RAB38: variants seen among roughly 807,000 people sequenced by gnomAD.
The protein encoded by RAB38 is ras-related protein Rab-38.
In RAB38, 15 loss-of-function variants were observed where a neutral mutation model predicts 18.4. The ratio of observed to expected loss-of-function variants is 0.82; its 90% CI spans 0.55 to 1.26. The LOEUF is 1.26. RAB38 is among the 50% of genes most tolerant of loss of function. RAB38 has a pLI of 0.00. For missense variants in RAB38, 294 were observed against 267.4 expected (o/e 1.10, Z -0.69); for synonymous variants, 101 against 104.4 (o/e 0.97, Z 0.20).
chr11:88,043,885 T>G, the RAB38 span, among the ~76,000 whole-genome samples: 1 of 152,148 alleles, frequency 6.6e-6, no homozygotes, highest in African/African-American at 2.4e-5. Flanking sequence ...GAGAGAAAGA[T>G]CCACCTATGA....
the RAB38 span, among the ~76,000 whole-genome samples, chr11:88,076,520 A>C: frequency 2.0e-5 from 3 of 152,294 alleles, no homozygotes; most frequent in East Asian, 3.9e-4. Context: ...AACTTAGAAA[A>C]ACTTAAAGAC....
chr11:87,958,261 G>A, the RAB38 span, among the ~76,000 whole-genome samples: 62 of 152,242 alleles, frequency 4.1e-4, no homozygotes, highest in Non-Finnish European at 5.7e-4. Flanking sequence ...AAGTAGGCTC[G>A]GCTAAGCTAC....
the RAB38 span, among the ~76,000 whole-genome samples, chr11:88,006,938 T>G: frequency 6.6e-6 from 1 of 151,612 alleles, no homozygotes; most frequent in Non-Finnish European, 1.5e-5. Flanking sequence ...GTCAGTCTAT[T>G]GCATAGTCTG....
At chr11:88,015,360 T>G in the RAB38 span, among the ~76,000 whole-genome samples, 1 of 152,150 alleles carries the variant, frequency 6.6e-6, no homozygotes, top group Non-Finnish European at 1.5e-5. Flanking sequence ...GGAGTCAGAT[T>G]GTTTACTTTT....
chr11:87,807,901 A>G, the RAB38 span, among the ~76,000 whole-genome samples: 1 of 151,258 alleles, frequency 6.6e-6, no homozygotes, highest in East Asian at 1.9e-4. Flanking sequence ...ACCAGTAGGA[A>G]CAGGAAGAAA....
At chr11:87,822,524 A>T in the RAB38 span, among the ~76,000 whole-genome samples, 1 of 152,194 alleles carries the variant, frequency 6.6e-6, no homozygotes, top group Non-Finnish European at 1.5e-5. Context: ...ATCCTTTTTG[A>T]AGGACCTCAG....
chr11:88,109,766 A>C (rs1942449121), downstream of RAB38, among the ~76,000 whole-genome samples: 1 of 152,248 alleles, frequency 6.6e-6, no homozygotes, highest in Admixed American at 6.5e-5. Context: ...CATATGAATA[A>C]AAGCTCATCA....
the RAB38 span, among the ~76,000 whole-genome samples, chr11:87,962,759 GCTGA>G: frequency 6.6e-6 from 1 of 152,112 alleles, no homozygotes; most frequent in South Asian, 2.1e-4. Context: ...TGCACAGCGT[GCTGA>G]CTATTGTAAT....
At chr11:87,929,881 A>G in the RAB38 span, among the ~76,000 whole-genome samples, 1 of 152,048 alleles carries the variant, frequency 6.6e-6, no homozygotes, top group African/African-American at 2.4e-5. Flanking sequence ...ATGTCCCTAC[A>G]AAGGACATGA....
At chr11:88,033,968 C>T in the RAB38 span, among the ~76,000 whole-genome samples, 1 of 152,134 alleles carries the variant, frequency 6.6e-6, no homozygotes, top group African/African-American at 2.4e-5. Flanking sequence ...ACCTCGTGAT[C>T]TGCCCACCTC....
At chr11:88,040,267 C>G in the RAB38 span, among the ~76,000 whole-genome samples, 108 of 152,328 alleles carry the variant, frequency 7.1e-4, no homozygotes, top group Admixed American at 5.2e-3. Flanking sequence ...TGCATCCTCT[C>G]TCCTTCACTT....
the RAB38 span, among the ~76,000 whole-genome samples, chr11:88,069,150 G>T: frequency 5.9e-5 from 9 of 152,200 alleles, no homozygotes; most frequent in Non-Finnish European, 1.3e-4. Flanking sequence ...GGAATGGCCT[G>T]CCAGCACCGC....
rs770155396 is a variant in RAB38, at chr11:88,175,435, G to C, written c.-51C>G. 9 of 1,594,128 alleles carry C rather than the reference G, an allele frequency of 5.6e-6. No homozygotes were observed. Among genetic ancestry groups the C allele is most frequent in the Non-Finnish European group, 7.7e-6 (9 of 1,164,040 alleles). On this transcript the variant is annotated 5_prime_UTR_variant, in exon 1 of 3. Transcript: ENST00000243662. ...GCCTGACCAGGGAAGCGCAGCCTGG[G>C]CTCTGCGCACGAGAGAGACTTGGGG...
the RAB38 span, among the ~76,000 whole-genome samples, chr11:88,010,647 C>T: frequency 6.6e-6 from 1 of 152,050 alleles, no homozygotes; most frequent in Admixed American, 6.5e-5. Flanking sequence ...GGGATGACTC[C>T]TTATTTTGGT....
At chr11:87,974,771 C>T in the RAB38 span, among the ~76,000 whole-genome samples, 1 of 150,978 alleles carries the variant, frequency 6.6e-6, no homozygotes, top group South Asian at 2.1e-4. Flanking sequence ...TAAATTACAG[C>T]TGTCTCAAAT....
chr11:87,864,766 A>C, the RAB38 span, among the ~76,000 whole-genome samples: 1 of 151,830 alleles, frequency 6.6e-6, no homozygotes, highest in African/African-American at 2.4e-5. Context: ...ACTTTCAAAT[A>C]TTGAAAGAAA....
the RAB38 span, among the ~76,000 whole-genome samples, chr11:88,051,595 T>A: frequency 1.3e-5 from 2 of 151,378 alleles, no homozygotes; most frequent in Non-Finnish European, 2.9e-5. Context: ...CAAAAATTAG[T>A]CATCATGTGA....
chr11:87,859,455 G>A, the RAB38 span, among the ~76,000 whole-genome samples: 7 of 152,036 alleles, frequency 4.6e-5, no homozygotes, highest in Admixed American at 1.3e-4. Flanking sequence ...TAGGAGAAAT[G>A]TATGCACAGT....
chr11:88,086,838 T>A, the RAB38 span, among the ~76,000 whole-genome samples: 2 of 152,038 alleles, frequency 1.3e-5, no homozygotes, highest in East Asian at 3.9e-4. Context: ...TCTAGCGGAC[T>A]ATTCTGGAGC....
Sources: allele counts gnomAD v4.1 joint callset (sites outside exome capture counted in the v4.1 genomes callset), GRCh38; gene constraint gnomAD v4.1.1; transcripts MANE v1.5; gene names NCBI Gene and HGNC (gene_info 2026-07-23, HGNC 2026-07-21).